Variants in IMMP2L observed in about 807,000 individuals in gnomAD.
IMMP2L encodes inner mitochondrial membrane peptidase subunit 2, also known as mitochondrial inner membrane protease subunit 2.
Under a neutral mutation model 19.3 loss-of-function variants are expected in IMMP2L, and 18 were observed. The ratio of observed to expected loss-of-function variants is 0.93; its 90% confidence interval spans 0.64 to 1.38. The LOEUF (loss-of-function observed/expected upper bound fraction) is 1.38. Among genes scored for constraint, IMMP2L ranks in the 40% most tolerant of loss-of-function variants. The pLI is 0.00. For synonymous variants in IMMP2L, 76 were observed against 73.0 expected, an observed-to-expected ratio of 1.04 and a Z score of -0.21; for missense variants, 233 against 218.2, an observed-to-expected ratio of 1.07 and a Z score of -0.43.
intron 3 of IMMP2L, among the ~76,000 whole-genome samples, chr7:111,242,894 G>C (rs59547058): frequency 6.6e-6 from 1 of 151,974 alleles, no homozygotes; most frequent in Non-Finnish European, 1.5e-5. Context: ...ACTCTATTTA[G>C]AAACAATTAT....
chr7:111,288,981 C>T (rs149493189), intron 3 of IMMP2L, among the ~76,000 whole-genome samples: 117 of 152,168 alleles, frequency 7.7e-4, no homozygotes, highest in African/African-American at 2.6e-3. Flanking sequence ...ATGTTTATTG[C>T]GGCACTGTTG....
intron 3 of IMMP2L, among the ~76,000 whole-genome samples, chr7:111,340,924 G>A (rs1417370383): frequency 6.6e-6 from 1 of 151,940 alleles, no homozygotes; most frequent in African/African-American, 2.4e-5. Context: ...AAGACAGGAA[G>A]GTCACATGAG....
intron 3 of IMMP2L, among the ~76,000 whole-genome samples, chr7:110,981,551 C>A (rs1821298313): frequency 6.6e-6 from 1 of 150,482 alleles, no homozygotes; most frequent in South Asian, 2.1e-4. Flanking sequence ...AAAAAAAAAA[C>A]CTAGTACTTT....
At chr7:111,184,921 A>G (rs1562898675) in intron 3 of IMMP2L, among the ~76,000 whole-genome samples, 1 of 152,148 alleles carries the variant, frequency 6.6e-6, no homozygotes, top group Non-Finnish European at 1.5e-5. Flanking sequence ...AGTAAGTATA[A>G]AAAAGTTTTG....
At chr7:111,347,596 G>A (rs1478063655) in intron 3 of IMMP2L, among the ~76,000 whole-genome samples, 2 of 151,996 alleles carry the variant, frequency 1.3e-5, no homozygotes, top group African/African-American at 4.8e-5. Flanking sequence ...GGAACAGTAG[G>A]AAAGAGGGAA....
At chr7:111,469,619 G>A (rs918175910) in intron 3 of IMMP2L, among the ~76,000 whole-genome samples, 4 of 151,994 alleles carry the variant, frequency 2.6e-5, no homozygotes, top group African/African-American at 2.4e-5. Flanking sequence ...AACAAGCAAC[G>A]GGGAAAGGAT....
intron 4 of IMMP2L, among the ~76,000 whole-genome samples, chr7:110,940,993 T>A (rs1816680928): frequency 6.6e-6 from 1 of 152,166 alleles, no homozygotes; most frequent in Non-Finnish European, 1.5e-5. Context: ...TCATCACTGC[T>A]GACATTCATC....
intron 3 of IMMP2L, among the ~76,000 whole-genome samples, chr7:111,070,878 T>C (rs899256892): frequency 1.3e-5 from 2 of 152,190 alleles, no homozygotes; most frequent in Admixed American, 1.3e-4. Flanking sequence ...TTTTCCTTGG[T>C]ACTATTATTA....
intron 3 of IMMP2L, among the ~76,000 whole-genome samples, chr7:111,475,016 A>G (rs145524509): frequency 9.9e-5 from 15 of 152,258 alleles, no homozygotes; most frequent in Non-Finnish European, 1.2e-4. Flanking sequence ...TATGACTTCT[A>G]AAAGTACAGA....
At chr7:110,943,270 A>G (rs760498651) in intron 4 of IMMP2L, among the ~76,000 whole-genome samples, 1 of 151,942 alleles carries the variant, frequency 6.6e-6, no homozygotes, top group Non-Finnish European at 1.5e-5. Context: ...CACATTCCCT[A>G]CTGTGGTCTG....
chr7:111,439,095 T>C (rs1837469222), intron 3 of IMMP2L, among the ~76,000 whole-genome samples: 1 of 151,848 alleles, frequency 6.6e-6, no homozygotes, highest in African/African-American at 2.4e-5. Flanking sequence ...AGGGACATAC[T>C]ACTACAAATC....
chr7:111,387,068 AAAAAG>A (rs1436558058), intron 3 of IMMP2L, among the ~76,000 whole-genome samples: 1 of 152,178 alleles, frequency 6.6e-6, no homozygotes, highest in East Asian at 1.9e-4. Flanking sequence ...GTTGTCCTGT[AAAAAG>A]AAAAGAAAAT....
At chr7:111,066,084 T>C (rs866897875) in intron 3 of IMMP2L, among the ~76,000 whole-genome samples, 1 of 151,588 alleles carries the variant, frequency 6.6e-6, no homozygotes, top group African/African-American at 2.4e-5. Flanking sequence ...GTTCAAGCAA[T>C]TCTCCTACCG....
intron 1 of IMMP2L, among the ~76,000 whole-genome samples, chr7:111,540,510 C>A (rs543346038): frequency 6.6e-6 from 1 of 151,924 alleles, no homozygotes; most frequent in Non-Finnish European, 1.5e-5. Context: ...GAGAAGCAAC[C>A]AAACTTGATT....
chr7:111,352,870 T>C (rs1275088994), intron 3 of IMMP2L, among the ~76,000 whole-genome samples: 1 of 152,172 alleles, frequency 6.6e-6, no homozygotes, highest in Non-Finnish European at 1.5e-5. Flanking sequence ...CTACCATTCC[T>C]GGCTTCTTCT....
chr7:111,301,048 TG>T (rs1211773212), intron 3 of IMMP2L, among the ~76,000 whole-genome samples: 1 of 152,154 alleles, frequency 6.6e-6, no homozygotes, highest in Non-Finnish European at 1.5e-5. Context: ...TGTACAATTT[TG>T]TGTATCCTAT....
chr7:110,694,334 A>G (rs576421200), intron 5 of IMMP2L, among the ~76,000 whole-genome samples: 2 of 152,252 alleles, frequency 1.3e-5, no homozygotes, highest in East Asian at 1.9e-4. Flanking sequence ...TGAGGAAGAA[A>G]GTGTTTGGCA....
intron 3 of IMMP2L, among the ~76,000 whole-genome samples, chr7:111,196,816 C>T (rs1350683573): frequency 1.3e-5 from 2 of 152,140 alleles, no homozygotes; most frequent in Non-Finnish European, 2.9e-5. Flanking sequence ...TAAACGCTCT[C>T]ATACTATTTG....
At chr7:110,752,097 T>C (rs1400396108) in intron 5 of IMMP2L, among the ~76,000 whole-genome samples, 1 of 152,064 alleles carries the variant, frequency 6.6e-6, no homozygotes, top group Non-Finnish European at 1.5e-5. Flanking sequence ...TGAGAACCAC[T>C]GCTTAATATA....
Sources: allele counts gnomAD v4.1 joint callset (sites outside exome capture counted in the v4.1 genomes callset), GRCh38; gene constraint gnomAD v4.1.1; transcripts MANE v1.5; gene names NCBI Gene and HGNC (gene_info 2026-07-23, HGNC 2026-07-21).